The following C12orf42 variants were observed in gnomAD, a reference collection of about 807,000 sequenced individuals.
C12orf42 encodes the protein chromosome 12 open reading frame 42, also known as uncharacterized protein C12orf42.
Under a neutral mutation model 21.6 loss-of-function variants are expected in C12orf42, and 25 were observed. The observed-to-expected ratio is 1.16, with a 90% confidence interval of 0.84 to 1.62. The LOEUF is 1.62. C12orf42 is among the 40% of genes most tolerant of loss of function. The pLI, the probability that C12orf42 is intolerant of heterozygous loss-of-function variation, is 0.00. For missense variants in C12orf42, 483 were observed against 459.3 expected (o/e 1.05, Z -0.47); for synonymous variants, 174 against 175.0 (o/e 0.99, Z 0.05).
At chr12:103,383,490 G>T (rs1215785946) in intron 3 of C12orf42, among the ~76,000 whole-genome samples, 4 of 152,040 alleles carry the variant, frequency 2.6e-5, no homozygotes, top group African/African-American at 4.8e-5. Context: ...GGTTGCTTCT[G>T]GTTTATTACT....
chr12:103,083,944 T>A, the C12orf42 span, among the ~76,000 whole-genome samples: 1 of 152,236 alleles, frequency 6.6e-6, no homozygotes, highest in East Asian at 1.9e-4. Context: ...GTTGGAAAAT[T>A]CATATAGTGT....
At chr12:103,350,764 A>C (rs2043038610) in intron 4 of C12orf42, among the ~76,000 whole-genome samples, 2 of 152,142 alleles carry the variant, frequency 1.3e-5, no homozygotes, top group South Asian at 4.1e-4. Context: ...CACATCCTTG[A>C]TAATGTTCTT....
the C12orf42 span, among the ~76,000 whole-genome samples, chr12:103,160,107 C>T: frequency 1.1e-4 from 17 of 152,214 alleles, no homozygotes; most frequent in South Asian, 4.2e-4. Flanking sequence ...ATGAGCATTG[C>T]GCTTTCCTTG....
chr12:103,291,171 T>A (rs2036794313), intron 4 of C12orf42, among the ~76,000 whole-genome samples: 1 of 152,202 alleles, frequency 6.6e-6, no homozygotes, highest in African/African-American at 2.4e-5. Flanking sequence ...ATCTGAGAAA[T>A]TCTGATACAG....
chr12:103,207,213 T>C, the C12orf42 span, among the ~76,000 whole-genome samples: 2 of 152,148 alleles, frequency 1.3e-5, no homozygotes, highest in Admixed American at 1.3e-4. Flanking sequence ...CTGACCCAGA[T>C]AGAAATATAG....
intron 2 of C12orf42, among the ~76,000 whole-genome samples, chr12:103,457,958 G>A (rs1242613287): frequency 2.0e-5 from 3 of 152,032 alleles, no homozygotes; most frequent in African/African-American, 7.2e-5. Context: ...AGAAGGAGAG[G>A]AGAAAAAAAG....
chr12:103,258,081 T>C (rs963924116), intron 10 of C12orf42, among the ~76,000 whole-genome samples: 29 of 152,124 alleles, frequency 1.9e-4, no homozygotes, highest in African/African-American at 7.0e-4. Context: ...CAAGAAAGTA[T>C]AAGCTCAGAG....
intron 4 of C12orf42, among the ~76,000 whole-genome samples, chr12:103,293,696 C>A (rs1191538144): frequency 6.6e-6 from 1 of 152,068 alleles, no homozygotes; most frequent in Non-Finnish European, 1.5e-5. Flanking sequence ...TGGAATGGTG[C>A]ATAAATCACG....
At chr12:103,349,803 A>G (rs975967062) in intron 4 of C12orf42, among the ~76,000 whole-genome samples, 4 of 152,304 alleles carry the variant, frequency 2.6e-5, no homozygotes, top group Middle Eastern at 3.4e-3. Context: ...AGATACGCAA[A>G]GGATCAGGAA....
the C12orf42 span, among the ~76,000 whole-genome samples, chr12:103,536,232 A>G: frequency 1.3e-5 from 2 of 152,324 alleles, no homozygotes; most frequent in Admixed American, 6.5e-5. Flanking sequence ...TTAAGCAACA[A>G]AGTAGATGAT....
chr12:103,282,198 T>G (rs753707112), intron 4 of C12orf42, among the ~76,000 whole-genome samples: 38 of 152,164 alleles, frequency 2.5e-4, no homozygotes, highest in Non-Finnish European at 5.0e-4. Flanking sequence ...AAACATTAAC[T>G]TCAAAGAAAA....
the C12orf42 span, chr12:103,504,286 T>A: frequency 6.4e-6 from 1 of 155,850 alleles, no homozygotes; most frequent in Admixed American, 6.5e-5. Context: ...ACCTCACCTG[T>A]GGCCAACCTG....
chr12:103,535,342 G>GTATAAAATACAAGCATAACTTATATTAT, the C12orf42 span, among the ~76,000 whole-genome samples: 1 of 151,710 alleles, frequency 6.6e-6, no homozygotes, highest in African/African-American at 2.4e-5. Context: ...ACTTATATTA[G>GTATAAAATACAAGCATAACTTATATTAT]ATATAAGTAT....
intron 4 of C12orf42, among the ~76,000 whole-genome samples, chr12:103,278,783 G>A (rs377179785): frequency 2.0e-5 from 3 of 152,188 alleles, no homozygotes; most frequent in Non-Finnish European, 4.4e-5. Context: ...ATCTAATAGC[G>A]ATTCCTCCAA....
the C12orf42 span, among the ~76,000 whole-genome samples, chr12:103,055,686 A>G: frequency 6.6e-6 from 1 of 151,976 alleles, no homozygotes; most frequent in Non-Finnish European, 1.5e-5. Flanking sequence ...TGAATTCAGT[A>G]CCATTGATGT....
At chr12:103,366,054 C>T (rs2044574477) in intron 4 of C12orf42, among the ~76,000 whole-genome samples, 1 of 152,218 alleles carries the variant, frequency 6.6e-6, no homozygotes, top group Non-Finnish European at 1.5e-5. Flanking sequence ...CATTACCCAA[C>T]TTCAAACTAT....
downstream of C12orf42, among the ~76,000 whole-genome samples, chr12:103,301,182 GA>G (rs893146750): frequency 5.9e-5 from 9 of 151,602 alleles, no homozygotes; most frequent in South Asian, 2.1e-4. Context: ...TTGAACTGAA[GA>G]AAAAAAAATT....
At chr12:103,434,939 C>T (rs1389143123) in intron 2 of C12orf42, among the ~76,000 whole-genome samples, 6 of 152,362 alleles carry the variant, frequency 3.9e-5, no homozygotes, top group Non-Finnish European at 8.8e-5. Flanking sequence ...GGCTCCACCT[C>T]GGGGGGCAGG....
At chr12:103,374,896 C>T (rs754960560) in intron 3 of C12orf42, among the ~76,000 whole-genome samples, 1 of 152,194 alleles carries the variant, frequency 6.6e-6, no homozygotes, top group African/African-American at 2.4e-5. Context: ...AAGGACAATG[C>T]TCACTTTGTC....
Sources: gnomAD v4.1 joint callset for allele counts (sites outside exome capture counted in the v4.1 genomes callset) on GRCh38, gnomAD v4.1.1 for gene constraint, MANE v1.5 for transcripts, NCBI Gene and HGNC (gene_info 2026-07-23, HGNC 2026-07-21) for gene names.